TBL1Y: variants seen among roughly 807,000 people sequenced by gnomAD.
TBL1Y encodes the protein F-box-like/WD repeat-containing protein TBL1Y.
In TBL1Y, 15 loss-of-function variants were observed where a neutral mutation model predicts 12.0. The ratio of observed to expected loss-of-function variants is 1.25; its 90% CI spans 0.83 to 1.92. The LOEUF (loss-of-function observed/expected upper bound fraction) is 1.92, where lower values mean the gene tolerates loss of function less well. Among genes scored for constraint, TBL1Y ranks in the 40% most tolerant of loss-of-function variants. The pLI, the probability that TBL1Y is intolerant of heterozygous loss-of-function variation, is 0.00. For synonymous variants in TBL1Y, 53 were observed against 42.6 expected (o/e 1.24, Z -0.95); for missense variants, 148 against 116.7 (o/e 1.27, Z -1.24).
intron 9 of TBL1Y, among the ~76,000 whole-genome samples, 182 bp downstream of exon 9, chrY:7,070,510 C>T (rs2013019690): frequency 3.0e-5 from 1 of 33,806 alleles, no homozygotes; most frequent in African/African-American, 1.2e-4. Flanking sequence ...GCCTTAGTTC[C>T]GAGTCATTTT....
chrY:6,989,209 C>A (rs2012345410), intron 3 of TBL1Y, among the ~76,000 whole-genome samples: 1 of 31,020 alleles, frequency 3.2e-5, no homozygotes, highest in South Asian at 7.4e-4. Context: ...GACTCCATTT[C>A]AAAAAAAAAT....
intron 14 of TBL1Y, among the ~76,000 whole-genome samples, chrY:7,083,820 C>T (rs2013112392): frequency 3.1e-5 from 1 of 32,044 alleles, no homozygotes; most frequent in African/African-American, 1.2e-4. Flanking sequence ...TCCCCTCCAT[C>T]CCAGCAGCCT....
At chrY:7,015,827 G>A (rs2012545303) in intron 4 of TBL1Y, among the ~76,000 whole-genome samples, 1 of 34,115 alleles carries the variant, frequency 2.9e-5, no homozygotes, top group Non-Finnish European at 7.3e-5. Context: ...GAGAAATGTC[G>A]CTCTGAAGAG....
At chrY:7,064,511 A>G (rs1052037303) in intron 8 of TBL1Y, among the ~76,000 whole-genome samples, 3 of 33,631 alleles carry the variant, frequency 8.9e-5, no homozygotes, top group Admixed American at 2.7e-4. Context: ...AAATTGTGGT[A>G]TAATCATTGA....
intron 8 of TBL1Y, among the ~76,000 whole-genome samples, chrY:7,065,388 C>T: frequency 1.2e-4 from 4 of 33,616 alleles, no homozygotes; most frequent in African/African-American, 4.6e-4. Context: ...TGAGGACTCC[C>T]CAGCCATGTG....
intron 7 of TBL1Y, among the ~76,000 whole-genome samples, chrY:7,053,071 A>C (rs912650494): frequency 3.0e-4 from 10 of 33,315 alleles, no homozygotes; most frequent in African/African-American, 5.9e-4. Context: ...TTTGATTTTT[A>C]AAGTCCAAAC....
At chrY:7,064,505 T>G (rs113217236) in intron 8 of TBL1Y, among the ~76,000 whole-genome samples, 145 of 33,629 alleles carry the variant, frequency 4.3e-3, no homozygotes, top group African/African-American at 0.015. Flanking sequence ...TTGGCCAAAT[T>G]GTGGTATAAT....
At chrY:6,955,042 A>G in intron 2 of TBL1Y, among the ~76,000 whole-genome samples, 3 of 33,698 alleles carry the variant, frequency 8.9e-5, no homozygotes, top group Admixed American at 2.7e-4. Context: ...ACTTATTCCA[A>G]GAAAGAAATA....
chrY:6,945,487 C>A (rs2011978861), intron 2 of TBL1Y, among the ~76,000 whole-genome samples: 1 of 32,536 alleles, frequency 3.1e-5, no homozygotes, highest in Non-Finnish European at 7.5e-5. Context: ...CTCACCGTAA[C>A]CCTTGTCAGT....
At chrY:6,992,880 G>C in intron 3 of TBL1Y, among the ~76,000 whole-genome samples, 1 of 34,087 alleles carries the variant, frequency 2.9e-5, no homozygotes, top group African/African-American at 1.1e-4. Context: ...GAGTTCCTTG[G>C]AATTGCAACT....
chrY:6,924,587 CAAA>C (rs772610519), intron 2 of TBL1Y, among the ~76,000 whole-genome samples: 3 of 5,774 alleles, frequency 5.2e-4, no homozygotes, highest in African/African-American at 1.4e-3. Flanking sequence ...GACTCTGTCT[CAAA>C]AAAAAAAAAA....
rs2012306401 is a variant in TBL1Y at position 6,984,649 on chromosome Y, C to CT, written c.-235+6409dup. ...ATTGCCTTTGGTACCACTCGAACCT[C>CT]TTTCTATTCCTCCTCTCCTAAGTTC... On this transcript the variant is annotated intron_variant, in intron 3 of 18. Transcript: ENST00000383032. Among the ~76,000 whole-genome samples, 8 of 33,930 alleles carry CT rather than the reference C, an allele frequency of 2.4e-4. No homozygotes were observed. In the South Asian group the frequency reaches 5.5e-3, roughly 23 times the overall value. 91.0% of individuals were successfully genotyped at this position (33,930 alleles called of 37,273 possible). A position where few individuals can be genotyped will look rare whatever the true frequency, so the allele number is the denominator to read the frequency against.
At chrY:6,917,969 C>G in intron 2 of TBL1Y, among the ~76,000 whole-genome samples, 1 of 33,103 alleles carries the variant, frequency 3.0e-5, no homozygotes, top group Admixed American at 2.8e-4. Context: ...TCATCTCATT[C>G]TCTTCTTACA....
At chrY:7,086,487 T>A in intron 16 of TBL1Y, 70 bp downstream of exon 16, 1 of 321,621 alleles carries the variant, frequency 3.1e-6, no homozygotes, top group Non-Finnish European at 4.3e-6. Flanking sequence ...TGCTCAAGTG[T>A]GTCTGTGCAC....
intron 4 of TBL1Y, among the ~76,000 whole-genome samples, chrY:7,003,911 A>G: frequency 3.0e-5 from 1 of 33,527 alleles, no homozygotes. Flanking sequence ...TGACACATAT[A>G]GCTAAATTAG....
At chrY:7,057,200 G>T in intron 7 of TBL1Y, among the ~76,000 whole-genome samples, 1 of 32,480 alleles carries the variant, frequency 3.1e-5, no homozygotes. Flanking sequence ...GGTGGAGCAG[G>T]TAATTCAAAC....
intron 2 of TBL1Y, among the ~76,000 whole-genome samples, chrY:6,944,948 A>G (rs2011974363): frequency 3.3e-5 from 1 of 30,042 alleles, no homozygotes; most frequent in East Asian, 8.7e-4. Context: ...TTCTTTCCTT[A>G]CACCCCTTTC....
At position 7,025,032 on chromosome Y, in the gene TBL1Y, C is replaced by A. The variant is rs913353700; in HGVS notation, c.-50-3C>A. On this transcript the variant is annotated splice_polypyrimidine_tract_variant and splice_region_variant and intron_variant, in intron 5 of 18. Coordinates refer to ENST00000383032, the MANE Select transcript of TBL1Y (RefSeq NM_033284.2). Reference sequence around the variant, plus strand: ...TTCAAAACTGTCTTCTTTTTTCAAACAGAGGGTGGTTCCAACTTCATCAAT... The same window carrying A: ...TTCAAAACTGTCTTCTTTTTTCAAAAAGAGGGTGGTTCCAACTTCATCAAT... 1.3e-5 allele frequency: 5 copies of A among 374,816 alleles called. No individual in the cohort carries two copies. Among genetic ancestry groups the A allele is most frequent in the Non-Finnish European group, 1.5e-5 (4 of 264,381 alleles). The allele number at this position is 374,816 out of a possible 400,897, so 93.5% of individuals were successfully genotyped here.
chrY:7,039,305 G>C, intron 6 of TBL1Y, among the ~76,000 whole-genome samples: 15 of 33,607 alleles, frequency 4.5e-4, no homozygotes, highest in Non-Finnish European at 9.6e-4. Context: ...CTTAGACTGG[G>C]TAATTCATAT....
Sources: allele counts gnomAD v4.1 joint callset (sites outside exome capture counted in the v4.1 genomes callset), GRCh38; gene constraint gnomAD v4.1.1; transcripts MANE v1.5; gene names NCBI Gene and HGNC (gene_info 2026-07-23, HGNC 2026-07-21).